RNF212B: variants seen among roughly 807,000 people sequenced by gnomAD.
The protein encoded by RNF212B is ring finger protein 212B.
Under a neutral mutation model 55.5 loss-of-function variants are expected in RNF212B, and 52 were observed. The ratio of observed to expected loss-of-function variants is 0.94; its 90% CI spans 0.75 to 1.18. The LOEUF (loss-of-function observed/expected upper bound fraction) is 1.18. Ranked by LOEUF, RNF212B falls within the 50% of genes most tolerant of loss-of-function variation. The probability of loss-of-function intolerance (pLI) is 0.00; values close to 1 mark genes in which losing one functional copy is unlikely to be tolerated. For missense variants in RNF212B, 289 were observed against 350.4 expected (o/e 0.82, Z 1.40); for synonymous variants, 99 against 121.4 (o/e 0.82, Z 1.21).
intron 4 of RNF212B, among the ~76,000 whole-genome samples, chr14:23,248,484 C>G (rs1453064180): frequency 7.1e-6 from 1 of 141,566 alleles, no homozygotes; most frequent in Admixed American, 7.2e-5. Context: ...CTCTGTCGCC[C>G]AGACTGGAGT....
chr14:23,209,814 A>G (rs1880303485), intron 2 of RNF212B, among the ~76,000 whole-genome samples: 1 of 152,204 alleles, frequency 6.6e-6, no homozygotes, highest in Admixed American at 6.5e-5. Context: ...TGTACCCCTG[A>G]TACAACATGA....
Position 23,229,496 on chromosome 14 carries a change from C to T in RNF212B, c.-1-10849C>T, listed in dbSNP as rs191859616. ...TTTCCAAAGCAGGTGCATCATTGTACATTCCCATCAGCAATGTACAAGGGT... is the reference window on the plus strand; with the variant it reads ...TTTCCAAAGCAGGTGCATCATTGTATATTCCCATCAGCAATGTACAAGGGT... On this transcript the variant is annotated intron_variant, in intron 2 of 15. Coordinates refer to the RNF212B transcript ENST00000399910. Among the ~76,000 whole-genome samples, 1,153 of 151,998 alleles carry T rather than the reference C, an allele frequency of 7.6e-3. 19 individuals carry two copies. The highest frequency in any genetic ancestry group is 0.026 in the African/African-American group (1,098 of 41,444).
chr14:23,243,567 G>A (rs1172376719), intron 3 of RNF212B, among the ~76,000 whole-genome samples: 3 of 151,272 alleles, frequency 2.0e-5, no homozygotes, highest in East Asian at 1.9e-4. Flanking sequence ...GTGGTGGTGC[G>A]GGCCTGTAGT....
chr14:23,254,956 G>A (rs1474680979), intron 4 of RNF212B, among the ~76,000 whole-genome samples: 1 of 152,162 alleles, frequency 6.6e-6, no homozygotes, highest in African/African-American at 2.4e-5. Context: ...AAGGCTGTTG[G>A]TTTGGATTGA....
rs995803415 is a variant in RNF212B, at chr14:23,264,102, A to G, written c.525-72A>G. ...GACTCTGTCTGAAAAAAACCAAAACAAAAAAACAACAACAATAAAAAGTAA... is the reference window on the plus strand; with the variant it reads ...GACTCTGTCTGAAAAAAACCAAAACGAAAAAACAACAACAATAAAAAGTAA... On this transcript the variant is annotated intron_variant, in intron 9 of 14. Coordinates refer to ENST00000430154, the MANE Select transcript of RNF212B (RefSeq NM_001282322.3). The G allele has an allele frequency of 9.4e-5, 124 of 1,323,820 alleles. No homozygotes were observed. The African/African-American group carries it at 1.7e-3, about 18-fold the overall frequency. The allele number at this position is 1,323,820 out of a possible 1,614,324, so 82.0% of individuals were successfully genotyped here.
intron 2 of RNF212B, among the ~76,000 whole-genome samples, chr14:23,241,568 C>T (rs1336307636): frequency 1.3e-5 from 2 of 151,942 alleles, no homozygotes; most frequent in East Asian, 2.0e-4. Flanking sequence ...GAATTATAGG[C>T]ATGCACCACC....
At chr14:23,226,317 T>TAAATAAA (rs1491584155) in intron 2 of RNF212B, among the ~76,000 whole-genome samples, 2 of 101,762 alleles carry the variant, frequency 2.0e-5, no homozygotes, top group African/African-American at 8.4e-5. Flanking sequence ...AAAAAAAAAA[T>TAAATAAA]TAAATAAATA....
At chr14:23,256,493 T>A (rs1884844900) in intron 4 of RNF212B, among the ~76,000 whole-genome samples, 1 of 151,970 alleles carries the variant, frequency 6.6e-6, no homozygotes, top group Non-Finnish European at 1.5e-5. Flanking sequence ...TGCCTCAGCC[T>A]CTCCATTAGC....
intron 2 of RNF212B, among the ~76,000 whole-genome samples, chr14:23,197,944 C>T (rs957443153): frequency 2.6e-5 from 4 of 151,596 alleles, no homozygotes; most frequent in Non-Finnish European, 4.4e-5. Context: ...GGTGGGCAGG[C>T]GGGGATCTCA....
chr14:23,264,304 G>A, intron 10 of RNF212B, 70 bp downstream of exon 10: 1 of 1,275,356 alleles, frequency 7.8e-7, no homozygotes, highest in East Asian at 2.5e-5. Context: ...GGTTTATCAA[G>A]AACTTAAATT....
At chr14:23,254,836 T>C (rs1884702306) in intron 4 of RNF212B, among the ~76,000 whole-genome samples, 1 of 152,200 alleles carries the variant, frequency 6.6e-6, no homozygotes, top group African/African-American at 2.4e-5. Flanking sequence ...TTATTTCTCC[T>C]TTACTCTTTC....
intron 2 of RNF212B, among the ~76,000 whole-genome samples, chr14:23,226,676 A>T (rs967048232): frequency 6.6e-6 from 1 of 151,942 alleles, no homozygotes; most frequent in South Asian, 2.1e-4. Context: ...CCGGTGGGTG[A>T]TGGTAAGAGA....
chr14:23,237,641 C>G (rs926909825), upstream of RNF212B, among the ~76,000 whole-genome samples: 2 of 152,176 alleles, frequency 1.3e-5, no homozygotes, highest in African/African-American at 4.8e-5. Context: ...GCGTTCTCAT[C>G]GTTTATTGGA....
chr14:23,225,297 A>G (rs1368516231), intron 2 of RNF212B, among the ~76,000 whole-genome samples: 1 of 152,168 alleles, frequency 6.6e-6, no homozygotes, highest in Non-Finnish European at 1.5e-5. Flanking sequence ...CAGCAATCCC[A>G]CTACTGGGTA....
intron 4 of RNF212B, among the ~76,000 whole-genome samples, chr14:23,256,936 C>T (rs893310817): frequency 5.9e-5 from 9 of 151,992 alleles, no homozygotes; most frequent in South Asian, 2.1e-4. Context: ...AGGTGGATCA[C>T]GAGGTCAGGA....
intron 2 of RNF212B, among the ~76,000 whole-genome samples, chr14:23,221,496 A>G (rs947660728): frequency 6.6e-6 from 1 of 152,218 alleles, no homozygotes; most frequent in Admixed American, 6.5e-5. Flanking sequence ...ATATAAAGCA[A>G]ATATTATTAG....
intron 2 of RNF212B, among the ~76,000 whole-genome samples, chr14:23,221,702 G>A (rs562250893): frequency 2.4e-4 from 36 of 152,198 alleles, no homozygotes; most frequent in East Asian, 3.9e-4. Context: ...TCTTTTTAGC[G>A]CATGGGTAAT....
At chr14:23,243,731 AGC>A (rs1462149003) in intron 3 of RNF212B, among the ~76,000 whole-genome samples, 8,667 of 145,394 alleles carry the variant, frequency 0.06, 449 homozygotes, top group African/African-American at 0.11. Flanking sequence ...CAAGCAAGCA[AGC>A]AAGCAAGCAA....
intron 2 of RNF212B, among the ~76,000 whole-genome samples, chr14:23,226,631 A>AAAAAC (rs1196869871): frequency 6.6e-6 from 1 of 152,080 alleles, no homozygotes; most frequent in Non-Finnish European, 1.5e-5. Context: ...ACTCTGTATC[A>AAAAAC]AAAACAAAAC....
Sources: allele counts gnomAD v4.1 joint callset (sites outside exome capture counted in the v4.1 genomes callset), GRCh38; gene constraint gnomAD v4.1.1; transcripts MANE v1.5; gene names NCBI Gene and HGNC (gene_info 2026-07-23, HGNC 2026-07-21).